The following PCDH15 variants were observed in gnomAD, a reference collection of about 807,000 sequenced individuals.
PCDH15 encodes protocadherin related 15, also known as protocadherin-15.
A neutral mutation model predicts 178.5 loss-of-function variants in PCDH15; 129 were observed. That is an observed-to-expected ratio of 0.72 (90% CI 0.63 to 0.84). The LOEUF (loss-of-function observed/expected upper bound fraction) is 0.84, where lower values mean the gene tolerates loss of function less well. Among genes scored for constraint, PCDH15 ranks in the 40% least tolerant of loss-of-function variants. PCDH15 has a pLI of 0.00. For synonymous variants in PCDH15, 800 were observed against 732.0 expected (o/e 1.09, Z -1.50); for missense variants, 2,230 against 2,099.9 (o/e 1.06, Z -1.21).
chr10:54,356,914 T>A (rs35461518), intron 5 of PCDH15, among the ~76,000 whole-genome samples: 1 of 152,068 alleles, frequency 6.6e-6, no homozygotes, highest in East Asian at 1.9e-4. Flanking sequence ...AAACACCACA[T>A]GATTATCTCA....
chr10:54,910,592 C>T (rs1019108568), intron 2 of PCDH15, among the ~76,000 whole-genome samples: 1 of 152,004 alleles, frequency 6.6e-6, no homozygotes, highest in Non-Finnish European at 1.5e-5. Context: ...TATATTAATC[C>T]CCATCAGATC....
Position 55,307,737 on chromosome 10 carries a change from T to C in PCDH15, c.-156+11862A>G, listed in dbSNP as rs143157086. ...GATCCAACTTGCCCCCCAAACAAAA[T>C]AATTAAAATATTTTTAAAAATTTAT... On this transcript the variant is annotated intron_variant, in intron 1 of 5. Coordinates refer to the PCDH15 transcript ENST00000458638. 3.9e-3 allele frequency among the ~76,000 whole-genome samples: 587 copies of C among 151,982 alleles called. 5 individuals carry two copies. Among genetic ancestry groups the C allele is most frequent in the African/African-American group, 0.013 (555 of 41,506 alleles).
chr10:54,652,735 G>C (rs2094290696), intron 2 of PCDH15, among the ~76,000 whole-genome samples: 1 of 152,136 alleles, frequency 6.6e-6, no homozygotes, highest in South Asian at 2.1e-4. Flanking sequence ...GCCAAGGAGA[G>C]AGGACTGAGG....
chr10:54,813,400 T>C (rs775265461), intron 3 of PCDH15, among the ~76,000 whole-genome samples: 11 of 152,168 alleles, frequency 7.2e-5, no homozygotes, highest in South Asian at 2.1e-4. Context: ...TGCAATTCCC[T>C]TGAAACCTTC....
chr10:53,999,931 C>T (rs1418926176), intron 20 of PCDH15, among the ~76,000 whole-genome samples: 2 of 152,164 alleles, frequency 1.3e-5, no homozygotes, highest in African/African-American at 4.8e-5. Context: ...TGACCCACTG[C>T]AGTCCCAGCA....
intron 2 of PCDH15, among the ~76,000 whole-genome samples, chr10:55,604,890 A>C (rs1463679080): frequency 1.3e-5 from 2 of 148,466 alleles, no homozygotes; most frequent in Non-Finnish European, 3.0e-5. Flanking sequence ...AGAAATAACT[A>C]AAATCAGAGC....
intron 28 of PCDH15, among the ~76,000 whole-genome samples, chr10:53,849,341 G>A (rs1483662495): frequency 6.6e-6 from 1 of 151,808 alleles, no homozygotes; most frequent in Non-Finnish European, 1.5e-5. Context: ...TTTTGTATAT[G>A]TATATATATT....
intron 2 of PCDH15, among the ~76,000 whole-genome samples, chr10:55,109,067 T>C (rs370377139): frequency 5.9e-5 from 9 of 152,178 alleles, no homozygotes; most frequent in African/African-American, 1.9e-4. Flanking sequence ...ACTGGGCACC[T>C]GTTGCTTTGG....
intron 1 of PCDH15, among the ~76,000 whole-genome samples, chr10:55,222,410 A>T (rs540163474): frequency 2.6e-5 from 4 of 151,944 alleles, no homozygotes; most frequent in African/African-American, 9.7e-5. Flanking sequence ...ACTTGCATTT[A>T]ATATATATCT....
At chr10:54,467,247 A>G (rs2384466) in intron 3 of PCDH15, among the ~76,000 whole-genome samples, 43,747 of 151,676 alleles carry the variant, frequency 0.29, 7,005 homozygotes, top group African/African-American at 0.41. Context: ...TCTTAGAGGA[A>G]TGGCTTTCCA....
chr10:54,850,018 C>A (rs1427990971), intron 3 of PCDH15, among the ~76,000 whole-genome samples: 1 of 152,008 alleles, frequency 6.6e-6, no homozygotes, highest in Admixed American at 6.6e-5. Context: ...AACATGTTCA[C>A]AGAGATTCTG....
intron 37 of PCDH15, among the ~76,000 whole-genome samples, chr10:53,810,169 G>A (rs890885250): frequency 2.6e-5 from 4 of 152,078 alleles, no homozygotes; most frequent in African/African-American, 7.2e-5. Context: ...TCTGATAATT[G>A]AAAGGTGGAG....
chr10:55,542,619 CTATA>C (rs1841792769), intron 2 of PCDH15, among the ~76,000 whole-genome samples: 2 of 144,650 alleles, frequency 1.4e-5, no homozygotes, highest in Non-Finnish European at 3.1e-5. Context: ...ATGTATGTGT[CTATA>C]TAGGTACATA....
chr10:54,071,475 C>T (rs1475910373), intron 17 of PCDH15, among the ~76,000 whole-genome samples: 2 of 151,934 alleles, frequency 1.3e-5, no homozygotes, highest in African/African-American at 4.8e-5. Flanking sequence ...CAAAAAAATG[C>T]ATTTTTTTAT....
At chr10:54,598,738 C>T (rs538882825) in intron 2 of PCDH15, among the ~76,000 whole-genome samples, 2 of 152,116 alleles carry the variant, frequency 1.3e-5, no homozygotes, top group South Asian at 2.1e-4. Context: ...AGTTTCAGCT[C>T]GAAAGCTCTG....
intron 2 of PCDH15, among the ~76,000 whole-genome samples, chr10:55,596,890 G>A (rs892289692): frequency 1.3e-5 from 2 of 151,996 alleles, no homozygotes; most frequent in African/African-American, 4.8e-5. Context: ...AAAAACAGAG[G>A]CAATAAAGGC....
At chr10:55,129,175 A>G (rs1364266620) in intron 2 of PCDH15, among the ~76,000 whole-genome samples, 7 of 152,104 alleles carry the variant, frequency 4.6e-5, no homozygotes, top group Non-Finnish European at 1.0e-4. Context: ...TTCTTCCAGT[A>G]TTTGCTATAC....
At chr10:55,554,409 A>G (rs1842051825) in intron 2 of PCDH15, among the ~76,000 whole-genome samples, 1 of 152,040 alleles carries the variant, frequency 6.6e-6, no homozygotes, top group Non-Finnish European at 1.5e-5. Flanking sequence ...GAGATCTCAT[A>G]TTCTTTTCCA....
upstream of PCDH15, among the ~76,000 whole-genome samples, chr10:54,806,209 A>C (rs1025660940): frequency 6.6e-6 from 1 of 152,230 alleles, no homozygotes; most frequent in Non-Finnish European, 1.5e-5. Context: ...GAAAAAAAGA[A>C]TTACATACGC....
Sources: gnomAD v4.1 joint callset for allele counts (sites outside exome capture counted in the v4.1 genomes callset) on GRCh38, gnomAD v4.1.1 for gene constraint, MANE v1.5 for transcripts, NCBI Gene and HGNC (gene_info 2026-07-23, HGNC 2026-07-21) for gene names.